Variants in PLD5 observed in about 807,000 individuals in gnomAD.
PLD5 encodes inactive phospholipase D5.
A neutral mutation model predicts 61.1 loss-of-function variants in PLD5; 36 were observed. That is an observed-to-expected ratio of 0.59 (90% CI 0.45 to 0.78). The LOEUF (loss-of-function observed/expected upper bound fraction) is 0.78, where lower values mean the gene tolerates loss of function less well. PLD5 is among the 30% of genes least tolerant of loss of function. PLD5 has a pLI of 0.00. For synonymous variants in PLD5, 243 were observed against 242.8 expected (o/e 1.00, Z -0.01); for missense variants, 515 against 644.4 (o/e 0.80, Z 2.17).
intron 1 of PLD5, among the ~76,000 whole-genome samples, chr1:242,470,205 T>C (rs1415560391): frequency 3.3e-5 from 5 of 151,738 alleles, no homozygotes; most frequent in Admixed American, 1.3e-4. Flanking sequence ...TAGCCGGGCG[T>C]GGTGCGGGCG....
chr1:242,254,916 A>G (rs1371330666), intron 4 of PLD5, among the ~76,000 whole-genome samples: 1 of 152,250 alleles, frequency 6.6e-6, no homozygotes, highest in South Asian at 2.1e-4. Context: ...AGAAAGGTGG[A>G]AGACAGAATC....
At chr1:242,330,448 C>T (rs1659099037) in intron 2 of PLD5, among the ~76,000 whole-genome samples, 2 of 152,176 alleles carry the variant, frequency 1.3e-5, no homozygotes, top group African/African-American at 4.8e-5. Context: ...CAGTTGCCTG[C>T]TCTGTCATCC....
chr1:242,194,295 T>C (rs968988774), intron 5 of PLD5, among the ~76,000 whole-genome samples: 1 of 152,170 alleles, frequency 6.6e-6, no homozygotes, highest in African/African-American at 2.4e-5. Context: ...ATGTGTGTTC[T>C]AGGGAATACC....
chr1:242,422,193 G>A (rs1343562011), intron 1 of PLD5, among the ~76,000 whole-genome samples: 1 of 151,824 alleles, frequency 6.6e-6, no homozygotes, highest in Non-Finnish European at 1.5e-5. Flanking sequence ...TACTGCCCCT[G>A]ACATATTTAC....
At chr1:242,127,376 C>A (rs1441470961) in intron 5 of PLD5, among the ~76,000 whole-genome samples, 1 of 152,156 alleles carries the variant, frequency 6.6e-6, no homozygotes, top group African/African-American at 2.4e-5. Flanking sequence ...GCACAGTCTG[C>A]AACTGCAAAA....
intron 1 of PLD5, among the ~76,000 whole-genome samples, chr1:242,451,193 A>G (rs1257278111): frequency 6.6e-6 from 1 of 152,150 alleles, no homozygotes; most frequent in Admixed American, 6.5e-5. Context: ...CCCCTACCGC[A>G]GCATCAATGA....
Position 242,144,651 on chromosome 1 carries a change from C to T in PLD5, c.736-19986G>A, listed in dbSNP as rs556299788. On this transcript the variant is annotated intron_variant, in intron 5 of 9. Transcript: ENST00000536534. ...CAAAAATTAGCTGGGTGTGGTGGCA[C>T]GTGCCTGTGGTCCCAGCTATTCAGG... 2.8e-4 allele frequency among the ~76,000 whole-genome samples: 42 copies of T among 152,166 alleles called. No homozygotes were observed. In the South Asian group the frequency reaches 8.3e-3, roughly 30 times the overall value.
intron 2 of PLD5, chr1:242,345,521 T>G: frequency 1.2e-6 from 1 of 815,876 alleles, no homozygotes; most frequent in Non-Finnish European, 2.2e-6. Context: ...GATGGATGGG[T>G]GGAGGTCTGT....
At chr1:242,340,317 C>A (rs1171703338) in intron 2 of PLD5, among the ~76,000 whole-genome samples, 1 of 151,730 alleles carries the variant, frequency 6.6e-6, no homozygotes, top group Admixed American at 6.6e-5. Flanking sequence ...AAATAAGGAG[C>A]CAAAACCAAA....
intron 5 of PLD5, among the ~76,000 whole-genome samples, chr1:242,185,451 T>C (rs1197441543): frequency 8.2e-6 from 1 of 121,892 alleles, no homozygotes; most frequent in Non-Finnish European, 2.0e-5. Context: ...TAGTATGTAT[T>C]CTTTTCATAA....
chr1:242,394,866 A>G lies in PLD5; in HGVS notation c.190-46624T>C, dbSNP rs182754839. Among the ~76,000 whole-genome samples, 508 of 118,552 alleles carry G rather than the reference A, an allele frequency of 4.3e-3. 33 individuals carry two copies. Among genetic ancestry groups the G allele is most frequent in the East Asian group, 0.026 (113 of 4,376 alleles). 77.8% of individuals were successfully genotyped at this position (118,552 alleles called of 152,430 possible). A position where few individuals can be genotyped will look rare whatever the true frequency, so the allele number is the denominator to read the frequency against. On this transcript the variant is annotated intron_variant, in intron 1 of 9. Coordinates refer to ENST00000536534, the MANE Select transcript of PLD5 (RefSeq NM_001372062.1). ...TACATATGTGAATATATATGTATAT[A>G]TGAATATATATGAATATATGTATAT...
chr1:242,329,521 G>A (rs12023682), intron 2 of PLD5, among the ~76,000 whole-genome samples: 7 of 151,258 alleles, frequency 4.6e-5, no homozygotes, highest in African/African-American at 9.7e-5. Context: ...GGTGATCCAC[G>A]GGACACTACC....
chr1:242,339,840 A>C (rs1421282341), intron 2 of PLD5, among the ~76,000 whole-genome samples: 1 of 152,186 alleles, frequency 6.6e-6, no homozygotes, highest in South Asian at 2.1e-4. Flanking sequence ...CAACCAAAGC[A>C]ATCTCTAAAC....
rs959663091 is a variant in PLD5, at chr1:242,088,963, C to T, written c.*891G>A. 2 of 195,706 alleles carry T rather than the reference C, an allele frequency of 1.0e-5. No homozygotes were observed. Among genetic ancestry groups the T allele is most frequent in the Non-Finnish European group, 2.1e-5 (2 of 97,468 alleles). The allele number at this position is 195,706 out of a possible 1,614,324, so 12.1% of individuals were successfully genotyped here. ...TTCCTTTATAATACCATAAACTGAA[C>T]AAAAATGTGAAAAACTACTTTATTC... is the stretch of plus-strand genomic sequence containing the variant. On this transcript the variant is annotated 3_prime_UTR_variant, in exon 10 of 10. Transcript: ENST00000536534.
chr1:242,229,814 T>C (rs1671183309), intron 4 of PLD5, among the ~76,000 whole-genome samples: 1 of 152,088 alleles, frequency 6.6e-6, no homozygotes, highest in Non-Finnish European at 1.5e-5. Context: ...TATCATTGCC[T>C]CTACAAACTG....
Position 242,208,928 on chromosome 1 carries a change from G to A in PLD5, c.735+11060C>T, listed in dbSNP as rs199621256. Among the ~76,000 whole-genome samples the A allele has an allele frequency of 7.2e-5, 11 of 152,296 alleles. No individual in the cohort carries two copies. The East Asian group carries it at 1.3e-3, about 19-fold the overall frequency. ...GCTAAAATGCACAATTTGAACAACA[G>A]TCCTCCCCAGAGATGCCAGATTCTT... On this transcript the variant is annotated intron_variant, in intron 5 of 9. Coordinates refer to ENST00000536534, the MANE Select transcript of PLD5 (RefSeq NM_001372062.1).
chr1:242,275,484 C>T (rs1278991418), intron 3 of PLD5, among the ~76,000 whole-genome samples: 1 of 152,086 alleles, frequency 6.6e-6, no homozygotes, highest in Non-Finnish European at 1.5e-5. Flanking sequence ...CAGTGTTAGC[C>T]TTTATTCTCA....
chr1:242,393,607 C>CATATATGTGTATATATATGAGTAT (rs1558524268), intron 1 of PLD5, among the ~76,000 whole-genome samples: 1 of 40,484 alleles, frequency 2.5e-5, no homozygotes, highest in African/African-American at 1.4e-4. Flanking sequence ...TATATATGAG[C>CATATATGTGTATATATATGAGTAT]ATATATGTGT....
chr1:242,480,339 C>T (rs563723732), intron 1 of PLD5, among the ~76,000 whole-genome samples: 8 of 152,290 alleles, frequency 5.3e-5, no homozygotes, highest in African/African-American at 1.4e-4. Context: ...TAAACCCTAT[C>T]TCACATCACA....
Sources: gnomAD v4.1 joint callset for allele counts (sites outside exome capture counted in the v4.1 genomes callset) on GRCh38, gnomAD v4.1.1 for gene constraint, MANE v1.5 for transcripts, NCBI Gene and HGNC (gene_info 2026-07-23, HGNC 2026-07-21) for gene names.